The following EFTUD2 variants were observed in gnomAD, a reference collection of about 807,000 sequenced individuals.
EFTUD2 encodes the protein 116 kDa U5 small nuclear ribonucleoprotein component.
EFTUD2 carries 9 observed loss-of-function variants against 114.3 expected under a neutral mutation model. The ratio of observed to expected loss-of-function variants is 0.08; its 90% CI spans 0.05 to 0.14. EFTUD2 has a LOEUF of 0.14. Among genes scored for constraint, EFTUD2 ranks in the 10% least tolerant of loss-of-function variants. EFTUD2 has a pLI of 1.00. For synonymous variants in EFTUD2, 449 were observed against 462.3 expected (o/e 0.97, Z 0.37); for missense variants, 765 against 1,241.2 (o/e 0.62, Z 5.76).
chr17:44,880,601 G>A lies in EFTUD2; in HGVS notation c.572C>T (p.Pro191Leu), dbSNP rs1363149292. 6.2e-7 allele frequency: 1 copy of A among 1,613,638 alleles called. No individual in the cohort carries two copies. Among genetic ancestry groups the A allele is most frequent in the African/African-American group, 1.3e-5 (1 of 74,920 alleles). The stretch of plus-strand genomic sequence containing the variant: ...GAGATAAGATTTTCCTTTGGTGTCT[G>A]GCAAGACCACTGTCACAGGAGTGCT... ...IKSTPVTVVLPDTKGKSYLFN... is the reference protein window; with the variant it reads ...IKSTPVTVVLLDTKGKSYLFN... Residue 191 changes from proline (P) to leucine (L), a missense_variant, in exon 8 of 28, where the codon CCA (proline) becomes CTA (leucine). By Grantham distance (98) the Pro-to-Leu change is moderately conservative (BLOSUM62 -3). Coordinates refer to ENST00000426333, the MANE Select transcript of EFTUD2 (RefSeq NM_004247.4).
chr17:44,879,297 G>A (rs1215603476), intron 9 of EFTUD2, among the ~76,000 whole-genome samples: 2 of 152,120 alleles, frequency 1.3e-5, no homozygotes, highest in African/African-American at 2.4e-5. Flanking sequence ...CGTTGGCCAG[G>A]CTGGTCTCGA....
chr17:44,880,145 C>A (rs1486145916), intron 8 of EFTUD2, among the ~76,000 whole-genome samples: 2 of 152,066 alleles, frequency 1.3e-5, no homozygotes, highest in African/African-American at 4.8e-5. Flanking sequence ...TGGTCCTTTC[C>A]ATAGGAGGAA....
chr17:44,860,102 G>A (rs1167563016), intron 17 of EFTUD2, 57 bp from the exon 18 acceptor site: 3 of 1,612,290 alleles, frequency 1.9e-6, no homozygotes, highest in Non-Finnish European at 2.5e-6. Flanking sequence ...CACAGAAAGT[G>A]CAGAGGTATG....
At chr17:44,868,007 G>A (rs2050782382) in intron 12 of EFTUD2, 110 bp from the exon 13 acceptor site, 1 of 1,091,816 alleles carries the variant, frequency 9.2e-7, no homozygotes, top group African/African-American at 1.6e-5. Context: ...GGAGGAATGT[G>A]TGTGTGACTG....
chr17:44,894,385 A>G, intron 2 of EFTUD2, 32 bp downstream of exon 2: 1 of 1,498,710 alleles, frequency 6.7e-7, no homozygotes, highest in South Asian at 1.1e-5. Context: ...AATAAATAAG[A>G]GTGAGATAAA....
At chr17:44,858,900 T>C (rs2050605610) in intron 19 of EFTUD2, among the ~76,000 whole-genome samples, 180 bp downstream of exon 19, 1 of 152,190 alleles carries the variant, frequency 6.6e-6, no homozygotes, top group South Asian at 2.1e-4. Flanking sequence ...TTTAAACGTA[T>C]GACACAGCAG....
At chr17:44,868,942 C>T (rs772669616) in intron 11 of EFTUD2, among the ~76,000 whole-genome samples, 1 of 152,152 alleles carries the variant, frequency 6.6e-6, no homozygotes, top group Non-Finnish European at 1.5e-5. Flanking sequence ...CAGACTGTAC[C>T]AAACAACCAT....
At chr17:44,877,245 C>G (rs2050978318) in intron 9 of EFTUD2, among the ~76,000 whole-genome samples, 1 of 151,616 alleles carries the variant, frequency 6.6e-6, no homozygotes, top group Non-Finnish European at 1.5e-5. Flanking sequence ...TGGCTGAGTC[C>G]AGGATTGGGA....
At chr17:44,877,189 C>A (rs2050977017) in intron 9 of EFTUD2, among the ~76,000 whole-genome samples, 1 of 151,596 alleles carries the variant, frequency 6.6e-6, no homozygotes, top group South Asian at 2.1e-4. Context: ...GGGCAAGATG[C>A]CATCTCTTTG....
In EFTUD2 at chr17:44,883,037, C is replaced by T; in HGVS notation, c.492+56G>A. ...AAGGGTGAAGGAAGGAGGAGAGAGA[C>T]ATCTCTATCTGTTCTGAATGGTTCA... is the stretch of plus-strand genomic sequence containing the variant. On this transcript the variant is annotated intron_variant, in intron 6 of 27. Transcript: ENST00000426333. 4.5e-6 allele frequency: 7 copies of T among 1,540,452 alleles called. 1 individual carries two copies. In the South Asian group the frequency reaches 6.8e-5, roughly 15 times the overall value.
chr17:44,859,239 A>C (rs1247596326), intron 18 of EFTUD2, 58 bp from the exon 19 acceptor site: 2 of 1,240,096 alleles, frequency 1.6e-6, no homozygotes, highest in Non-Finnish European at 2.4e-6. Flanking sequence ...AGGCACACAC[A>C]AACAAAATCA....
intron 4 of EFTUD2, 21 bp from the exon 5 acceptor site, chr17:44,883,745 A>G (rs2051114787): frequency 6.2e-7 from 1 of 1,612,702 alleles, no homozygotes; most frequent in Non-Finnish European, 8.5e-7. Flanking sequence ...AAAGGAAAAG[A>G]GAAAAGAGAG....
At chr17:44,887,008 G>A (rs1011156074) in intron 2 of EFTUD2, among the ~76,000 whole-genome samples, 1 of 152,146 alleles carries the variant, frequency 6.6e-6, no homozygotes, top group Non-Finnish European at 1.5e-5. Context: ...GGTTGAGACT[G>A]GAGAAAACAA....
At position 44,862,950 on chromosome 17, in the gene EFTUD2, C is replaced by A. The variant is rs367761418; in HGVS notation, c.1414-44G>T. The A allele has an allele frequency of 3.5e-5, 54 of 1,530,062 alleles. No individual in the cohort carries two copies. In the African/African-American group the frequency reaches 7.0e-4, roughly 20 times the overall value. 94.8% of individuals were successfully genotyped at this position (1,530,062 alleles called of 1,614,324 possible). On this transcript the variant is annotated intron_variant, in intron 15 of 27. Transcript: ENST00000426333. ...TGCAGCTTCAACCACATCTATGCTCCGGGGAAGTACTACTCCCCGCCATCT... is the reference window on the plus strand; with the variant it reads ...TGCAGCTTCAACCACATCTATGCTCAGGGGAAGTACTACTCCCCGCCATCT...
intron 20 of EFTUD2, 123 bp downstream of exon 20, chr17:44,856,952 C>G: frequency 1.3e-6 from 1 of 748,566 alleles, no homozygotes; most frequent in South Asian, 1.6e-5. Context: ...TGTAAGCACC[C>G]CCTATTCTGA....
intron 11 of EFTUD2, among the ~76,000 whole-genome samples, chr17:44,871,569 G>A (rs112289681): frequency 4.0e-5 from 6 of 151,700 alleles, no homozygotes; most frequent in African/African-American, 1.5e-4. Context: ...TTGATCTCCC[G>A]ACCTCGTGAT....
chr17:44,872,321 A>G (rs900612929), intron 11 of EFTUD2, 125 bp downstream of exon 11: 17 of 1,284,244 alleles, frequency 1.3e-5, no homozygotes, highest in Non-Finnish European at 1.6e-5. Context: ...AAATGTGATA[A>G]TAACAGGTGA....
intron 16 of EFTUD2, among the ~76,000 whole-genome samples, chr17:44,861,431 A>AG (rs2050657645): frequency 1.3e-5 from 1 of 76,954 alleles, no homozygotes; most frequent in East Asian, 3.3e-4. Flanking sequence ...GCTGACAGAG[A>AG]GAAAAAAAAA....
At chr17:44,877,122 G>A (rs1348427348) in intron 9 of EFTUD2, among the ~76,000 whole-genome samples, 1 of 152,096 alleles carries the variant, frequency 6.6e-6, no homozygotes, top group Non-Finnish European at 1.5e-5. Flanking sequence ...CTTGAGCCCA[G>A]GAGCTCGAGG....
Sources: allele counts gnomAD v4.1 joint callset (sites outside exome capture counted in the v4.1 genomes callset), GRCh38; gene constraint gnomAD v4.1.1; transcripts MANE v1.5; gene names NCBI Gene and HGNC (gene_info 2026-07-23, HGNC 2026-07-21).